The following CSMD1 variants were observed in gnomAD, a reference collection of about 807,000 sequenced individuals.
CSMD1 encodes CUB and Sushi multiple domains 1.
A neutral mutation model predicts 417.5 loss-of-function variants in CSMD1; 213 were observed. That is an observed-to-expected ratio of 0.51 (90% CI 0.46 to 0.57). The LOEUF is 0.57. Ranked by LOEUF, CSMD1 falls within the 20% of genes least tolerant of loss-of-function variation. The probability of loss-of-function intolerance (pLI) is 0.00; values close to 1 mark genes in which losing one functional copy is unlikely to be tolerated. For missense variants in CSMD1, 6,923 were observed against 4,529.7 expected (o/e 1.53, Z -15.17); for synonymous variants, 2,862 against 1,736.8 (o/e 1.65, Z -16.11).
chr8:4,135,474 C>A lies in CSMD1; in HGVS notation c.416-103375G>T, dbSNP rs187801251. Reference sequence around the variant, plus strand: ...TCAGAAGCAAAATGAATATAACTTACACACTAAATATCCCCACATATAAAA... The same window carrying A: ...TCAGAAGCAAAATGAATATAACTTAAACACTAAATATCCCCACATATAAAA... On this transcript the variant is annotated intron_variant, in intron 3 of 69. Coordinates refer to ENST00000635120, the MANE Select transcript of CSMD1 (RefSeq NM_033225.6). Among the ~76,000 whole-genome samples, 8 of 151,886 alleles carry A rather than the reference C, an allele frequency of 5.3e-5. No homozygotes were observed. The East Asian group carries it at 1.6e-3, about 29-fold the overall frequency.
intron 2 of CSMD1, among the ~76,000 whole-genome samples, chr8:4,504,015 G>A (rs748274928): frequency 2.0e-5 from 3 of 151,602 alleles, no homozygotes; most frequent in African/African-American, 7.3e-5. Flanking sequence ...ATGTCAAAGA[G>A]GTTATCTGTG....
chr8:3,791,433 G>A (rs1585003959), intron 5 of CSMD1, among the ~76,000 whole-genome samples: 1 of 152,190 alleles, frequency 6.6e-6, no homozygotes, highest in Admixed American at 6.5e-5. Context: ...ATTTCTCACA[G>A]CATCCTAGCA....
chr8:3,586,075 A>G, intron 9 of CSMD1, 61 bp downstream of exon 9: 1 of 1,552,282 alleles, frequency 6.4e-7, no homozygotes, highest in Non-Finnish European at 8.7e-7. Flanking sequence ...TTGTATATTC[A>G]TAAAAATGCC....
intron 1 of CSMD1, among the ~76,000 whole-genome samples, chr8:4,822,669 A>G (rs559660257): frequency 6.6e-6 from 1 of 152,288 alleles, no homozygotes; most frequent in African/African-American, 2.4e-5. Context: ...CACAGTATTT[A>G]TTTAAAATAT....
At chr8:4,196,142 T>G (rs1714768) in intron 3 of CSMD1, among the ~76,000 whole-genome samples, 151,842 of 152,238 alleles carry the variant, frequency 1, 75,725 homozygotes, top group Middle Eastern at 1. Context: ...ACCCGGGAAG[T>G]GGAGCTTGCA....
At chr8:3,265,941 G>T (rs1040668154) in intron 26 of CSMD1, among the ~76,000 whole-genome samples, 1 of 151,876 alleles carries the variant, frequency 6.6e-6, no homozygotes, top group East Asian at 2.0e-4. Context: ...CCAGGGAAAG[G>T]GGTCCAGTTT....
intron 10 of CSMD1, among the ~76,000 whole-genome samples, chr8:3,509,223 T>A (rs778205147): frequency 2.0e-5 from 3 of 152,202 alleles, no homozygotes; most frequent in African/African-American, 7.2e-5. Context: ...GAAACAATAT[T>A]ATCTGGACCC....
intron 1 of CSMD1, among the ~76,000 whole-genome samples, chr8:4,811,333 T>C (rs1798892693): frequency 6.6e-6 from 1 of 152,224 alleles, no homozygotes; most frequent in Non-Finnish European, 1.5e-5. Context: ...GAGAAGTTTC[T>C]TCTTTCAAAC....
rs140297732 is a variant in CSMD1 at position 4,393,339 on chromosome 8, G to C, written c.415+26614C>G. 3.2e-3 allele frequency among the ~76,000 whole-genome samples: 481 copies of C among 152,238 alleles called. 1 individual carries two copies. Among genetic ancestry groups the C allele is most frequent in the African/African-American group, 0.011 (456 of 41,560 alleles). ...GGAATATCACAAAGTTGAGGCAGCA[G>C]AAAAATCATTTTCTAAATTGCCAAG... On this transcript the variant is annotated intron_variant, in intron 3 of 69. Transcript: ENST00000635120.
intron 3 of CSMD1, among the ~76,000 whole-genome samples, chr8:4,337,461 C>T (rs1453812671): frequency 6.6e-6 from 1 of 152,120 alleles, no homozygotes; most frequent in African/African-American, 2.4e-5. Flanking sequence ...TTGCAAACCA[C>T]ACTGTGATGG....
At chr8:3,922,281 G>T (rs1269244507) in intron 5 of CSMD1, among the ~76,000 whole-genome samples, 2 of 151,742 alleles carry the variant, frequency 1.3e-5, no homozygotes, top group African/African-American at 4.8e-5. Context: ...AAAACATAGT[G>T]AGTTCCTTTT....
chr8:3,467,772 G>C (rs1183730334), intron 12 of CSMD1, among the ~76,000 whole-genome samples: 3 of 152,140 alleles, frequency 2.0e-5, no homozygotes. Flanking sequence ...TACCATGCTT[G>C]TTGATTTAGG....
chr8:4,105,604 G>A (rs2130892674), intron 3 of CSMD1, among the ~76,000 whole-genome samples: 1 of 152,310 alleles, frequency 6.6e-6, no homozygotes, highest in South Asian at 2.1e-4. Flanking sequence ...GGCTACAGCA[G>A]AAGAGGAAAC....
intron 3 of CSMD1, among the ~76,000 whole-genome samples, chr8:4,285,553 T>C (rs1797014100): frequency 6.6e-6 from 1 of 152,314 alleles, no homozygotes; most frequent in Admixed American, 6.5e-5. Context: ...TCTCCATGGA[T>C]GAGGGCAGGT....
chr8:3,460,566 C>A (rs1374262201), intron 12 of CSMD1, among the ~76,000 whole-genome samples: 1 of 151,888 alleles, frequency 6.6e-6, no homozygotes, highest in East Asian at 1.9e-4. Flanking sequence ...ACAGAGGCCG[C>A]CTAGAGGGGA....
At chr8:3,064,073 T>G (rs1464373612) in intron 49 of CSMD1, among the ~76,000 whole-genome samples, 1 of 152,222 alleles carries the variant, frequency 6.6e-6, no homozygotes, top group East Asian at 1.9e-4. Flanking sequence ...TCATTCTCTT[T>G]CATTTACAGG....
In CSMD1 at chr8:4,679,401, G is replaced by A. The variant is rs559926828; in HGVS notation, c.86-41843C>T. 4.3e-3 allele frequency among the ~76,000 whole-genome samples: 652 copies of A among 152,232 alleles called. 6 individuals carry two copies. Among genetic ancestry groups the A allele is most frequent in the Non-Finnish European group, 6.7e-3 (457 of 68,006 alleles). On this transcript the variant is annotated intron_variant, in intron 1 of 69. Transcript: ENST00000635120. ...ATTTAAAATGGATGTGCCTAACAAC[G>A]AATTAAAATAATAATTAAAGTAGTA... is the stretch of plus-strand genomic sequence containing the variant.
intron 1 of CSMD1, among the ~76,000 whole-genome samples, chr8:4,676,437 G>A (rs1004606735): frequency 2.0e-5 from 3 of 152,098 alleles, no homozygotes; most frequent in Non-Finnish European, 1.5e-5. Context: ...CTCTGCAGCT[G>A]CTGGAGTATG....
chr8:3,576,502 T>G (rs999997683), intron 9 of CSMD1, among the ~76,000 whole-genome samples: 1 of 152,200 alleles, frequency 6.6e-6, no homozygotes, highest in Non-Finnish European at 1.5e-5. Context: ...TTGAGACAAC[T>G]GTTCAGTTGC....
Sources: gnomAD v4.1 joint callset for allele counts (sites outside exome capture counted in the v4.1 genomes callset) on GRCh38, gnomAD v4.1.1 for gene constraint, MANE v1.5 for transcripts, NCBI Gene and HGNC (gene_info 2026-07-23, HGNC 2026-07-21) for gene names.